Variants in NRG3 observed in about 807,000 individuals in gnomAD.
The protein encoded by NRG3 is neuregulin 3, also known as pro-neuregulin-3, membrane-bound isoform.
Under a neutral mutation model 66.9 loss-of-function variants are expected in NRG3, and 31 were observed. The observed-to-expected ratio is 0.46, with a 90% CI of 0.35 to 0.63. The LOEUF is 0.63. Among genes scored for constraint, NRG3 ranks in the 20% least tolerant of loss-of-function variants. NRG3 has a pLI of 0.00. For synonymous variants in NRG3, 393 were observed against 359.4 expected (o/e 1.09, Z -1.06); for missense variants, 910 against 878.9 (o/e 1.04, Z -0.45).
chr10:81,911,726 A>ACC (rs1845185997), intron 1 of NRG3, among the ~76,000 whole-genome samples: 1 of 130,458 alleles, frequency 7.7e-6, no homozygotes, highest in Non-Finnish European at 1.5e-5. Context: ...TTTCCCCGTT[A>ACC]CCACACACAC....
chr10:82,411,259 G>A (rs1380452785), intron 2 of NRG3, among the ~76,000 whole-genome samples: 1 of 152,050 alleles, frequency 6.6e-6, no homozygotes, highest in Non-Finnish European at 1.5e-5. Flanking sequence ...AAGGAGGAAA[G>A]GAAGGAAGAA....
chr10:82,415,824 A>AT (rs2088517440), intron 2 of NRG3, among the ~76,000 whole-genome samples: 1 of 152,096 alleles, frequency 6.6e-6, no homozygotes, highest in Non-Finnish European at 1.5e-5. Flanking sequence ...ATGATGCTAT[A>AT]TTTTCTGGCA....
chr10:82,567,444 G>A (rs141694044), intron 2 of NRG3, among the ~76,000 whole-genome samples: 16 of 152,012 alleles, frequency 1.1e-4, no homozygotes, highest in African/African-American at 3.9e-4. Context: ...AAAATTTAGT[G>A]TCTGCCTGGG....
intron 2 of NRG3, among the ~76,000 whole-genome samples, chr10:82,423,733 A>G (rs1590076259): frequency 6.6e-6 from 1 of 151,994 alleles, no homozygotes; most frequent in Non-Finnish European, 1.5e-5. Flanking sequence ...TAGCAGTGCA[A>G]TCACCGCCAC....
intron 1 of NRG3, among the ~76,000 whole-genome samples, chr10:82,035,411 C>T (rs1008566971): frequency 6.6e-6 from 1 of 152,108 alleles, no homozygotes; most frequent in African/African-American, 2.4e-5. Flanking sequence ...TTCTGAGCAT[C>T]TTTGGCCATG....
chr10:82,550,333 AG>A (rs2044222489), intron 2 of NRG3, among the ~76,000 whole-genome samples: 1 of 152,182 alleles, frequency 6.6e-6, no homozygotes, highest in South Asian at 2.1e-4. Flanking sequence ...AAACATGTTC[AG>A]CAAGGGAAGT....
intron 3 of NRG3, among the ~76,000 whole-genome samples, chr10:82,830,282 C>A (rs2062450586): frequency 6.6e-6 from 1 of 152,140 alleles, no homozygotes; most frequent in South Asian, 2.1e-4. Flanking sequence ...CCCTGAATAT[C>A]CAATGGACCT....
chr10:82,042,759 A>G (rs753320248), intron 1 of NRG3, among the ~76,000 whole-genome samples: 12 of 151,954 alleles, frequency 7.9e-5, no homozygotes, highest in African/African-American at 2.9e-4. Flanking sequence ...AGGCTGTTTG[A>G]GTTATCTGTG....
intron 3 of NRG3, among the ~76,000 whole-genome samples, chr10:82,784,468 A>G (rs1166764782): frequency 5.2e-4 from 79 of 152,244 alleles, no homozygotes; most frequent in African/African-American, 1.8e-3. Flanking sequence ...ATCTGACAAA[A>G]GGCTAATATC....
chr10:82,558,342 C>T (rs2044787657), intron 2 of NRG3, among the ~76,000 whole-genome samples: 1 of 152,114 alleles, frequency 6.6e-6, no homozygotes, highest in African/African-American at 2.4e-5. Context: ...AAGAAAAACC[C>T]CTTGGGTGTC....
At chr10:82,480,839 T>A (rs958112853) in intron 2 of NRG3, among the ~76,000 whole-genome samples, 3 of 152,212 alleles carry the variant, frequency 2.0e-5, no homozygotes, top group Non-Finnish European at 4.4e-5. Flanking sequence ...CTGATGGAAG[T>A]AAACTTGCAC....
chr10:82,734,170 G>A (rs1370970790), intron 2 of NRG3, among the ~76,000 whole-genome samples: 1 of 152,124 alleles, frequency 6.6e-6, no homozygotes. Context: ...CTTTTCTCTG[G>A]CTCAATTGTT....
chr10:82,445,182 A>C (rs991887454), intron 2 of NRG3, among the ~76,000 whole-genome samples: 1 of 151,580 alleles, frequency 6.6e-6, no homozygotes, highest in Non-Finnish European at 1.5e-5. Flanking sequence ...AGAATGACAT[A>C]GTTAAATCCC....
In NRG3 at chr10:82,985,239, C is replaced by T. The variant is rs1853336732; in HGVS notation, c.1725C>T (p.Pro575=). 6.2e-7 allele frequency: 1 copy of T among 1,614,036 alleles called. No homozygotes were observed. The highest frequency in any genetic ancestry group is 1.3e-5 in the African/African-American group (1 of 74,922). The change falls in exon 9 of 9, where the codon CCC becomes CCT. Residue 575 remains proline (P), a synonymous_variant. Transcript: ENST00000372141. ...GYSSTRASSV[P]IIPSVGLEET... is the part of the protein sequence containing the mutation. Reference sequence around the variant, plus strand: ...CATCCACAAGGGCCAGTTCTGTGCCCATCATCCCTTCAGTGGGTTTAGAGG... The same window carrying T: ...CATCCACAAGGGCCAGTTCTGTGCCTATCATCCCTTCAGTGGGTTTAGAGG...
intron 1 of NRG3, among the ~76,000 whole-genome samples, chr10:82,208,327 G>A (rs567129221): frequency 4.5e-4 from 69 of 152,160 alleles, no homozygotes; most frequent in African/African-American, 1.6e-3. Flanking sequence ...CATTTTTACC[G>A]TAATCAAATG....
At chr10:82,722,497 T>G (rs1413048024) in intron 2 of NRG3, among the ~76,000 whole-genome samples, 1 of 152,208 alleles carries the variant, frequency 6.6e-6, no homozygotes. Context: ...TCATTAAGTG[T>G]ATTTTTTAGT....
At chr10:82,938,274 G>T (rs1297137701) in intron 4 of NRG3, among the ~76,000 whole-genome samples, 1 of 152,168 alleles carries the variant, frequency 6.6e-6, no homozygotes, top group Non-Finnish European at 1.5e-5. Context: ...AGATTTGAAC[G>T]TACACAGATC....
At chr10:82,374,318 C>G (rs920664079) in intron 2 of NRG3, among the ~76,000 whole-genome samples, 1 of 152,294 alleles carries the variant, frequency 6.6e-6, no homozygotes, top group East Asian at 1.9e-4. Context: ...AGGTCGCTTC[C>G]TCAAAGACGC....
chr10:82,577,462 A>T (rs938189049), intron 2 of NRG3, among the ~76,000 whole-genome samples: 4 of 151,870 alleles, frequency 2.6e-5, no homozygotes, highest in Non-Finnish European at 5.9e-5. Context: ...AGTCATATAT[A>T]TCTAGCAGGA....
Sources: allele counts gnomAD v4.1 joint callset (sites outside exome capture counted in the v4.1 genomes callset), GRCh38; gene constraint gnomAD v4.1.1; transcripts MANE v1.5; gene names NCBI Gene and HGNC (gene_info 2026-07-23, HGNC 2026-07-21).